CSMD1: variants seen among roughly 807,000 people sequenced by gnomAD.
CSMD1 encodes CUB and sushi domain-containing protein 1.
Under a neutral mutation model 417.5 loss-of-function variants are expected in CSMD1, and 213 were observed. That is an observed-to-expected ratio of 0.51 (90% CI 0.46 to 0.57). The LOEUF (loss-of-function observed/expected upper bound fraction) is 0.57, where lower values mean the gene tolerates loss of function less well. Among genes scored for constraint, CSMD1 ranks in the 20% least tolerant of loss-of-function variants. The probability of loss-of-function intolerance (pLI) is 0.00; values close to 1 mark genes in which losing one functional copy is unlikely to be tolerated. For missense variants in CSMD1, 6,923 were observed against 4,529.7 expected, an observed-to-expected ratio of 1.53 and a Z score of -15.17; for synonymous variants, 2,862 against 1,736.8, an observed-to-expected ratio of 1.65 and a Z score of -16.11.
chr8:4,349,434 G>C (rs750730991), intron 3 of CSMD1, among the ~76,000 whole-genome samples: 16 of 152,186 alleles, frequency 1.1e-4, no homozygotes, highest in Non-Finnish European at 1.9e-4. Flanking sequence ...ATAGAGAAAA[G>C]TCAGATTTAC....
intron 2 of CSMD1, among the ~76,000 whole-genome samples, chr8:4,631,413 T>A: frequency 6.6e-6 from 1 of 151,306 alleles, no homozygotes; most frequent in East Asian, 1.9e-4. Context: ...TTTTTTTTTT[T>A]AATCAGTCCA....
At position 3,530,715 on chromosome 8, in the gene CSMD1, G is replaced by C. The variant is rs184461629; in HGVS notation, c.1345-36989C>G. On this transcript the variant is annotated intron_variant, in intron 10 of 69. Transcript: ENST00000635120. ...CCAGCTAATTTTTGTATTTTTAGTA[G>C]AGACAGTTTCACCATGTTGGCCAGG... Among the ~76,000 whole-genome samples, 542 of 152,142 alleles carry C rather than the reference G, an allele frequency of 3.6e-3. 3 individuals carry two copies. Among genetic ancestry groups the C allele is most frequent in the South Asian group, 0.021 (103 of 4,822 alleles).
At chr8:3,298,589 G>T (rs936032189) in intron 25 of CSMD1, among the ~76,000 whole-genome samples, 2 of 152,182 alleles carry the variant, frequency 1.3e-5, no homozygotes, top group African/African-American at 4.8e-5. Context: ...GAGTAGCTGG[G>T]ATTATAGGCG....
intron 10 of CSMD1, among the ~76,000 whole-genome samples, chr8:3,507,725 G>C (rs1003582632): frequency 2.6e-5 from 4 of 152,034 alleles, no homozygotes; most frequent in African/African-American, 7.3e-5. Context: ...TATCTCACTG[G>C]GGTTTTGATT....
intron 68 of CSMD1, among the ~76,000 whole-genome samples, chr8:2,945,802 G>T (rs563657216): frequency 6.6e-6 from 1 of 151,548 alleles, no homozygotes; most frequent in Non-Finnish European, 1.5e-5. Context: ...AACTGTTGCT[G>T]CCACTACTAC....
At chr8:3,202,982 A>G (rs866488529) in intron 31 of CSMD1, among the ~76,000 whole-genome samples, 1 of 152,264 alleles carries the variant, frequency 6.6e-6, no homozygotes, top group East Asian at 1.9e-4. Flanking sequence ...TCTTGCTCAT[A>G]CCATCCTCAC....
rs186498367 is a variant in CSMD1, at chr8:3,025,639, A to G, written c.7855+3680T>C. ...ACCATCAATATATTTTATTTTACATATCTCCACCAAAACAACAAACTTTGA... is the reference window on the plus strand; with the variant it reads ...ACCATCAATATATTTTATTTTACATGTCTCCACCAAAACAACAAACTTTGA... On this transcript the variant is annotated intron_variant, in intron 51 of 69. Coordinates refer to ENST00000635120, the MANE Select transcript of CSMD1 (RefSeq NM_033225.6). Among the ~76,000 whole-genome samples the G allele has an allele frequency of 1.3e-4, 20 of 152,346 alleles. No homozygotes were observed. The East Asian group carries it at 3.9e-3, about 29-fold the overall frequency.
intron 3 of CSMD1, among the ~76,000 whole-genome samples, chr8:4,061,571 G>C (rs1585230067): frequency 6.6e-6 from 1 of 152,130 alleles, no homozygotes; most frequent in African/African-American, 2.4e-5. Flanking sequence ...TCATGCTCTT[G>C]ACTATGGTAA....
intron 5 of CSMD1, among the ~76,000 whole-genome samples, chr8:3,965,784 A>G (rs35175707): frequency 0.27 from 40,891 of 151,574 alleles, 5,683 homozygotes; most frequent in South Asian, 0.45. Context: ...CACCTGGCTA[A>G]TATTTTGTAC....
At chr8:3,481,142 G>A (rs776649537) in intron 11 of CSMD1, among the ~76,000 whole-genome samples, 77 of 120,238 alleles carry the variant, frequency 6.4e-4, no homozygotes, top group Admixed American at 1.4e-3. Context: ...GCAACAGAGC[G>A]AGACTCCATC....
intron 3 of CSMD1, among the ~76,000 whole-genome samples, chr8:4,195,864 G>T (rs1228267751): frequency 6.6e-6 from 1 of 152,134 alleles, no homozygotes; most frequent in Non-Finnish European, 1.5e-5. Context: ...ATCATAGCAT[G>T]CGAGACTTAC....
intron 5 of CSMD1, among the ~76,000 whole-genome samples, chr8:3,903,465 G>A (rs978970964): frequency 6.6e-6 from 1 of 152,076 alleles, no homozygotes; most frequent in Admixed American, 6.5e-5. Flanking sequence ...TTACTCTCAA[G>A]AAAGTCTAAA....
intron 2 of CSMD1, among the ~76,000 whole-genome samples, chr8:4,633,373 A>G (rs1228151694): frequency 6.6e-6 from 1 of 151,392 alleles, no homozygotes. Context: ...CACCCTCCCT[A>G]GTAGCTGGGA....
chr8:3,575,815 A>G (rs900546985), intron 9 of CSMD1, among the ~76,000 whole-genome samples: 4 of 150,398 alleles, frequency 2.7e-5, no homozygotes, highest in African/African-American at 9.8e-5. Flanking sequence ...TACAAAAATA[A>G]TTTAATTGGC....
intron 7 of CSMD1, among the ~76,000 whole-genome samples, chr8:3,651,408 T>C (rs937202796): frequency 2.6e-5 from 4 of 152,134 alleles, no homozygotes; most frequent in East Asian, 1.9e-4. Context: ...TGGCCCTTCA[T>C]GGAGTACCTC....
At chr8:4,478,381 A>C (rs986134879) in intron 2 of CSMD1, among the ~76,000 whole-genome samples, 3 of 152,204 alleles carry the variant, frequency 2.0e-5, no homozygotes, top group Admixed American at 2.0e-4. Context: ...TTTGAAACAC[A>C]CAAGTCCAAA....
At chr8:4,801,072 G>T (rs1386986656) in intron 1 of CSMD1, among the ~76,000 whole-genome samples, 1 of 152,148 alleles carries the variant, frequency 6.6e-6, no homozygotes, top group Admixed American at 6.5e-5. Context: ...AAAACCTACA[G>T]ATCTGAAATG....
At chr8:3,950,256 G>C (rs1392794923) in intron 5 of CSMD1, among the ~76,000 whole-genome samples, 2 of 152,140 alleles carry the variant, frequency 1.3e-5, no homozygotes, top group Non-Finnish European at 2.9e-5. Context: ...TGAATTAGTA[G>C]TTTGATACTT....
At chr8:4,780,717 C>A (rs529687066) in intron 1 of CSMD1, among the ~76,000 whole-genome samples, 60 of 152,168 alleles carry the variant, frequency 3.9e-4, no homozygotes, top group Non-Finnish European at 1.8e-4. Flanking sequence ...TTTCTGACCC[C>A]CTTCCCACTC....
Sources: allele counts gnomAD v4.1 joint callset (sites outside exome capture counted in the v4.1 genomes callset), GRCh38; gene constraint gnomAD v4.1.1; transcripts MANE v1.5; gene names NCBI Gene and HGNC (gene_info 2026-07-23, HGNC 2026-07-21).